The following KIF13A variants were observed in gnomAD, a reference collection of about 807,000 sequenced individuals.
KIF13A encodes the protein kinesin-like protein KIF13A.
A neutral mutation model predicts 212.2 loss-of-function variants in KIF13A; 79 were observed. The ratio of observed to expected loss-of-function variants is 0.37; its 90% CI spans 0.31 to 0.45. KIF13A has a LOEUF of 0.45. Ranked by LOEUF, KIF13A falls within the 20% of genes least tolerant of loss-of-function variation. KIF13A has a pLI of 1.00. For synonymous variants in KIF13A, 789 were observed against 808.6 expected (o/e 0.98, Z 0.41); for missense variants, 1,901 against 2,209.0 (o/e 0.86, Z 2.79).
chr6:17,808,865 A>C lies in KIF13A; in HGVS notation c.2066T>G (p.Val689Gly). The change falls in exon 18 of 39, where the codon GTG becomes GGG. Residue 689 changes from valine to glycine, a missense_variant. Physicochemically the swap from Val to Gly is moderately radical, Grantham distance 109. Transcript: ENST00000259711. ...CTCAGCCAGGAAGTTTGCTTCCCTC[A>C]CCAAGGTATTAGCTTTAACCAGCTG... ...REQLVKANTL[V>G]REANFLAEEM... is the part of the protein sequence containing the mutation. The C allele has an allele frequency of 6.2e-7, 1 of 1,613,748 alleles. No homozygotes were observed. The highest frequency in any genetic ancestry group is 8.5e-7 in the Non-Finnish European group (1 of 1,179,806).
rs1760992153 is a variant in KIF13A, at chr6:17,785,655, T to A, written c.3362-14A>T. 1.3e-6 allele frequency: 2 copies of A among 1,596,582 alleles called. No individual in the cohort carries two copies. Among genetic ancestry groups the A allele is most frequent in the Non-Finnish European group, 1.7e-6 (2 of 1,171,860 alleles). On this transcript the variant is annotated splice_polypyrimidine_tract_variant and intron_variant, in intron 27 of 38. Coordinates refer to ENST00000259711, the MANE Select transcript of KIF13A (RefSeq NM_022113.6). The surrounding 1 kb of genome is among the most constrained non-coding windows in gnomAD (Gnocchi z 5.8). Reference sequence around the variant, plus strand: ...CCTCTGTTTTCTCTGCAGAAAAAAATGAGGAGATCAATGCCAACAAGAGAG... The same window carrying A: ...CCTCTGTTTTCTCTGCAGAAAAAAAAGAGGAGATCAATGCCAACAAGAGAG...
At chr6:17,929,388 T>C (rs2150533419) in intron 2 of KIF13A, among the ~76,000 whole-genome samples, 1 of 147,614 alleles carries the variant, frequency 6.8e-6, no homozygotes, top group African/African-American at 2.5e-5. Flanking sequence ...TAGAGGTGTG[T>C]GCAGCACTCT....
rs1447855174 is a variant in KIF13A, at chr6:17,794,383, T to C, written c.3088A>G (p.Arg1030Gly). Residue 1030 changes from arginine to glycine, a missense_variant, in exon 25 of 39, where the codon AGA (arginine) becomes GGA (glycine). Arg to Gly is a moderately radical substitution (Grantham distance 125). Transcript: ENST00000259711. The surrounding 1 kb of genome is among the most constrained non-coding windows in gnomAD (Gnocchi z 4.1). ...ACAGGTTTCACCGTGACTTGTACTC[T>C]ACGGGAATGACCCTGAAGAGGGTGG... Reference protein sequence around the residue: ...IFQLRQGHSRRVQVTVKPVQH... With the variant: ...IFQLRQGHSRGVQVTVKPVQH... 2 of 1,613,084 alleles carry C rather than the reference T, an allele frequency of 1.2e-6. No individual in the cohort carries two copies. Among genetic ancestry groups the C allele is most frequent in the Non-Finnish European group, 1.7e-6 (2 of 1,179,358 alleles).
In KIF13A at chr6:17,895,979, T is replaced by A. The variant is rs1772521696; in HGVS notation, c.159+2189A>T. Reference sequence around the variant, plus strand: ...TTGTGGTCTTTAATATAATCAATTTTATATTGTGCACATACCAATCATCCT... The same window carrying A: ...TTGTGGTCTTTAATATAATCAATTTAATATTGTGCACATACCAATCATCCT... On this transcript the variant is annotated intron_variant, in intron 3 of 38. Transcript: ENST00000259711. The surrounding 1 kb of genome is among the most constrained non-coding windows in gnomAD (Gnocchi z 4.4). Among the ~76,000 whole-genome samples the A allele has an allele frequency of 6.6e-6, 1 of 152,202 alleles. No individual in the cohort carries two copies. The highest frequency in any genetic ancestry group is 1.5e-5 in the Non-Finnish European group (1 of 68,034).
intron 3 of KIF13A, among the ~76,000 whole-genome samples, chr6:17,893,715 A>C (rs1772277849): frequency 6.8e-6 from 1 of 147,922 alleles, no homozygotes; most frequent in Non-Finnish European, 1.5e-5. Context: ...TCAGATGTAG[A>C]TTTCTCATGG....
intron 4 of KIF13A, among the ~76,000 whole-genome samples, chr6:17,862,897 G>A (rs1032360024): frequency 2.6e-5 from 4 of 152,170 alleles, no homozygotes; most frequent in Admixed American, 6.5e-5. Flanking sequence ...GCAGTGAGCC[G>A]AAATCGCGCC....
At chr6:17,763,665 C>CGGTA (rs974702135), downstream of KIF13A, 4 of 196,778 alleles carry the variant, frequency 2.0e-5, no homozygotes, top group African/African-American at 9.5e-5. Context: ...CACACTTTAC[C>CGGTA]ATCTCTGAAA....
At chr6:17,775,762 G>C (rs2150298671) in intron 34 of KIF13A, among the ~76,000 whole-genome samples, 1 of 152,236 alleles carries the variant, frequency 6.6e-6, no homozygotes, top group Middle Eastern at 3.4e-3. Context: ...ATGTTGCCCA[G>C]GCTGGTCTCA....
At chr6:17,824,320 A>T (rs1442187227) in intron 16 of KIF13A, among the ~76,000 whole-genome samples, 1 of 152,212 alleles carries the variant, frequency 6.6e-6, no homozygotes, top group Non-Finnish European at 1.5e-5. Flanking sequence ...CCCCAATTTG[A>T]TATGCCAGAG....
chr6:17,764,059 C>A lies in KIF13A; in HGVS notation c.*51G>T. ...CAAACAACTGGATGAATCTTTCCTA[C>A]CAAGTTGTTGCGGTGAAGGGCCTCT... On this transcript the variant is annotated 3_prime_UTR_variant, in exon 39 of 39. Coordinates refer to ENST00000259711, the MANE Select transcript of KIF13A (RefSeq NM_022113.6). The surrounding 1 kb of genome is among the most constrained non-coding windows in gnomAD (Gnocchi z 5.1). 1 of 1,566,638 alleles carries A rather than the reference C, an allele frequency of 6.4e-7. No individual in the cohort carries two copies.
Position 17,787,786 on chromosome 6 carries a change from G to T in KIF13A, c.3351C>A (p.Ser1117Arg). Reference sequence around the variant, plus strand: ...TTTGATCTCACATACCTGTTTTATTGCTGACTTTTTTTATCTGTTCATCCA... The same window carrying T: ...TTTGATCTCACATACCTGTTTTATTTCTGACTTTTTTTATCTGTTCATCCA... ...EYLDEQIKKV[S>R]NKTEKTEDDV... is the part of the protein sequence containing the mutation. Residue 1117 changes from serine (S) to arginine (R), a missense_variant, in exon 27 of 39, where the codon AGC becomes AGA. Physicochemically the swap from Ser to Arg is moderately radical, Grantham distance 110 (BLOSUM62 -1). Coordinates refer to ENST00000259711, the MANE Select transcript of KIF13A (RefSeq NM_022113.6). This position sits in a 1 kb window ranked among gnomAD's most constrained non-coding sequence, Gnocchi z 4.6. The T allele has an allele frequency of 6.2e-7, 1 of 1,603,822 alleles. No homozygotes were observed. Among genetic ancestry groups the T allele is most frequent in the South Asian group, 1.1e-5 (1 of 90,872 alleles).
intron 4 of KIF13A, among the ~76,000 whole-genome samples, chr6:17,867,926 A>T (rs1023770969): frequency 6.6e-6 from 1 of 152,246 alleles, no homozygotes; most frequent in African/African-American, 2.4e-5. Flanking sequence ...CATGATGGGA[A>T]CAGAATCAAA....
chr6:17,850,325 C>CAG lies in KIF13A; in HGVS notation c.713_714dup (p.Gly239LeufsTer14). The CAG allele has an allele frequency of 6.2e-7, 1 of 1,612,254 alleles. No individual in the cohort carries two copies. The highest frequency in any genetic ancestry group is 2.2e-5 in the East Asian group (1 of 44,842). ...AAAGGTTCTGCCTAATCCCTTACCC[C>CAG]AGACTGCAGGTCATAAAGTGTCTGT... On this transcript the variant is annotated frameshift_variant, in exon 8 of 39. Transcript: ENST00000259711. LOFTEE classifies it high-confidence loss of function. The surrounding 1 kb of genome is among the most constrained non-coding windows in gnomAD (Gnocchi z 6.2).
chr6:17,977,114 C>CAAAAAAAAAAAAAAAAAAAA (rs398000718), intron 2 of KIF13A, among the ~76,000 whole-genome samples: 2 of 106,698 alleles, frequency 1.9e-5, no homozygotes, highest in Non-Finnish European at 1.9e-5. Context: ...AAAACAACAA[C>CAAAAAAAAAAAAAAAAAAAA]AAAAAAAAAA....
intron 2 of KIF13A, among the ~76,000 whole-genome samples, chr6:17,940,827 T>TTA (rs1554119584): frequency 9.4e-5 from 14 of 149,654 alleles, no homozygotes; most frequent in African/African-American, 3.3e-4. Context: ...ATTTTTTTTT[T>TTA]TTTTTTTTTT....
chr6:17,964,645 A>G (rs974746663), intron 2 of KIF13A, among the ~76,000 whole-genome samples: 3 of 152,176 alleles, frequency 2.0e-5, no homozygotes, highest in Non-Finnish European at 4.4e-5. Context: ...GCTTTCTCGA[A>G]GAGAAAGACA....
intron 4 of KIF13A, among the ~76,000 whole-genome samples, chr6:17,857,584 T>C (rs1581544034): frequency 6.6e-6 from 1 of 152,224 alleles, no homozygotes; most frequent in African/African-American, 2.4e-5. Flanking sequence ...TGTAGTTCTT[T>C]ACAACAGTGT....
intron 9 of KIF13A, among the ~76,000 whole-genome samples, chr6:17,842,858 T>A (rs1766656619): frequency 6.9e-6 from 1 of 145,848 alleles, no homozygotes; most frequent in South Asian, 2.2e-4. Context: ...ATAATCCAAC[T>A]TTTTTTTTTT....
intron 4 of KIF13A, among the ~76,000 whole-genome samples, chr6:17,858,468 G>C (rs1276658890): frequency 6.6e-6 from 1 of 152,154 alleles, no homozygotes; most frequent in African/African-American, 2.4e-5. Context: ...ATAGTCTTGT[G>C]CTCACGAAGA....
Sources: gnomAD v4.1 joint callset for allele counts (sites outside exome capture counted in the v4.1 genomes callset) on GRCh38, gnomAD v4.1.1 for gene constraint, Gnocchi (gnomAD v3.1) non-coding constraint, MANE v1.5 for transcripts, NCBI Gene and HGNC (gene_info 2026-07-23, HGNC 2026-07-21) for gene names.